The following RAPGEF2 variants were observed in gnomAD, a reference collection of about 807,000 sequenced individuals.
RAPGEF2 encodes Rap guanine nucleotide exchange factor 2, also known as PDZ domain containing guanine nucleotide exchange factor (GEF) 1.
A neutral mutation model predicts 186.7 loss-of-function variants in RAPGEF2; 54 were observed. That is an observed-to-expected ratio of 0.29 (90% CI 0.23 to 0.36). The LOEUF is 0.36. RAPGEF2 is among the 10% of genes least tolerant of loss of function. RAPGEF2 has a pLI of 1.00. For synonymous variants in RAPGEF2, 712 were observed against 705.9 expected (o/e 1.01, Z -0.14); for missense variants, 1,532 against 2,045.0 (o/e 0.75, Z 4.84).
chr4:159,134,028 G>A (rs1741422930), intron 1 of RAPGEF2, among the ~76,000 whole-genome samples: 1 of 152,156 alleles, frequency 6.6e-6, no homozygotes, highest in Admixed American at 6.5e-5. Context: ...AATTCTGTGA[G>A]TTTTAATTTG....
At chr4:159,121,782 G>C in intron 1 of RAPGEF2, among the ~76,000 whole-genome samples, 1 of 151,674 alleles carries the variant, frequency 6.6e-6, no homozygotes, top group East Asian at 1.9e-4. Flanking sequence ...TGTAATCGCA[G>C]CACTTTGGGA....
Position 159,353,927 on chromosome 4 carries a change from A to G in RAPGEF2, c.4532A>G (p.Lys1511Arg), listed in dbSNP as rs1290277306. ...GGCACAATAAAGCGGAGGGGTGGAAAGGATGTTTCCATTGAAGCCGAAAGC... is the reference window on the plus strand; with the variant it reads ...GGCACAATAAAGCGGAGGGGTGGAAGGGATGTTTCCATTGAAGCCGAAAGC... ...DTGTIKRRGG[K>R]DVSIEAESSS... Residue 1511 changes from lysine to arginine, a missense_variant, in exon 28 of 30, where the codon AAG (lysine) becomes AGG (arginine). Physicochemically the swap from Lys to Arg is conservative, Grantham distance 26 (BLOSUM62 2). Transcript: ENST00000691494. The surrounding 1 kb of genome is among the most constrained non-coding windows in gnomAD (Gnocchi z 4.3). The G allele has an allele frequency of 6.2e-6, 10 of 1,614,062 alleles. No homozygotes were observed. Among genetic ancestry groups the G allele is most frequent in the African/African-American group, 1.3e-5 (1 of 74,942 alleles).
intron 25 of RAPGEF2, among the ~76,000 whole-genome samples, chr4:159,347,882 G>A (rs750004869): frequency 9.9e-5 from 15 of 151,832 alleles, no homozygotes; most frequent in South Asian, 6.2e-4. Context: ...TTTTTTCTAC[G>A]TATATGTGAA....
intron 7 of RAPGEF2, among the ~76,000 whole-genome samples, chr4:159,293,950 C>G (rs775577605): frequency 5.3e-5 from 8 of 152,114 alleles, no homozygotes; most frequent in Non-Finnish European, 7.4e-5. Flanking sequence ...TGTTCATACT[C>G]CAGTGGTTTG....
rs771844280 is a variant in RAPGEF2 at position 159,314,780 on chromosome 4, C to T, written c.853+12C>T. 1.9e-6 allele frequency: 3 copies of T among 1,568,796 alleles called. No homozygotes were observed. Among genetic ancestry groups the T allele is most frequent in the African/African-American group, 1.4e-5 (1 of 72,144 alleles). ...AGATGATGACATTGGTAAGCTTGAA[C>T]AGGAAAATGAATCTACGAGCAATTA... is the stretch of plus-strand genomic sequence containing the variant. On this transcript the variant is annotated intron_variant, in intron 9 of 29. Coordinates refer to ENST00000691494, the MANE Select transcript of RAPGEF2 (RefSeq NM_001394067.2).
intron 4 of RAPGEF2, among the ~76,000 whole-genome samples, chr4:159,235,809 A>T (rs1387832139): frequency 6.6e-6 from 1 of 152,202 alleles, no homozygotes; most frequent in Non-Finnish European, 1.5e-5. Flanking sequence ...AGAATCAGAG[A>T]GCAGAAGCAA....
chr4:159,207,117 T>C (rs1458228824), intron 3 of RAPGEF2, among the ~76,000 whole-genome samples: 2 of 152,230 alleles, frequency 1.3e-5, no homozygotes, highest in African/African-American at 2.4e-5. Flanking sequence ...AAAGCAAATA[T>C]AACTCTTGCA....
At chr4:159,255,684 GT>G (rs1756075294) in intron 7 of RAPGEF2, among the ~76,000 whole-genome samples, 1 of 151,990 alleles carries the variant, frequency 6.6e-6, no homozygotes, top group Non-Finnish European at 1.5e-5. Flanking sequence ...TTCTTGCATT[GT>G]TTTTGGGTAG....
chr4:159,111,059 C>A (rs1304975515), intron 1 of RAPGEF2, among the ~76,000 whole-genome samples: 1 of 150,678 alleles, frequency 6.6e-6, no homozygotes, highest in East Asian at 1.9e-4. Flanking sequence ...TGCAAAATCG[C>A]CACTACCTAC....
intron 9 of RAPGEF2, among the ~76,000 whole-genome samples, chr4:159,320,333 C>G (rs775236664): frequency 1.3e-4 from 20 of 152,156 alleles, no homozygotes; most frequent in African/African-American, 4.3e-4. Context: ...TTCAGAATTG[C>G]TTTACTGCTT....
At chr4:159,271,603 C>A (rs1313428510) in intron 7 of RAPGEF2, among the ~76,000 whole-genome samples, 1 of 152,016 alleles carries the variant, frequency 6.6e-6, no homozygotes, top group Non-Finnish European at 1.5e-5. Context: ...TCATTGGTAC[C>A]CCAGTTTGTC....
chr4:159,278,945 CAGTACACTTG>C (rs1262872761), intron 7 of RAPGEF2, among the ~76,000 whole-genome samples: 3 of 152,290 alleles, frequency 2.0e-5, no homozygotes, highest in African/African-American at 4.8e-5. Context: ...GAGGCAGAGA[CAGTACACTTG>C]AGTACACTTG....
intron 1 of RAPGEF2, among the ~76,000 whole-genome samples, chr4:159,135,590 A>G (rs553076872): frequency 6.6e-6 from 1 of 152,078 alleles, no homozygotes; most frequent in Non-Finnish European, 1.5e-5. Flanking sequence ...TTTTGTCCCC[A>G]TTTTAATTTC....
intron 1 of RAPGEF2, among the ~76,000 whole-genome samples, chr4:159,115,860 G>A (rs1738991944): frequency 6.6e-6 from 1 of 152,106 alleles, no homozygotes; most frequent in Non-Finnish European, 1.5e-5. Context: ...TTAATAAATG[G>A]TGCTGGGAAA....
In RAPGEF2 at chr4:159,219,927, A is replaced by T. The variant is rs574902431; in HGVS notation, c.281+9344A>T. ...ATTGCTTCTTATATGCTTGCTTAGAATGTGGTGCTGAACTAAAAGAGAGAT... is the reference window on the plus strand; with the variant it reads ...ATTGCTTCTTATATGCTTGCTTAGATTGTGGTGCTGAACTAAAAGAGAGAT... On this transcript the variant is annotated intron_variant, in intron 4 of 29. Coordinates refer to ENST00000691494, the MANE Select transcript of RAPGEF2 (RefSeq NM_001394067.2). Among the ~76,000 whole-genome samples the T allele has an allele frequency of 5.4e-4, 82 of 152,298 alleles. 1 individual carries two copies. Among genetic ancestry groups the T allele is most frequent in the African/African-American group, 1.9e-3 (80 of 41,560 alleles).
chr4:159,259,116 T>A lies in RAPGEF2; in HGVS notation c.543+15325T>A, dbSNP rs114757728. ...AGAGGTTAAGTAACATGTTCAATAT[T>A]CATGGTCACTCAGGTAGTAAATGTT... On this transcript the variant is annotated intron_variant, in intron 7 of 29. Transcript: ENST00000691494. Among the ~76,000 whole-genome samples, 499 of 152,334 alleles carry A rather than the reference T, an allele frequency of 3.3e-3. 1 individual carries two copies. The highest frequency in any genetic ancestry group is 0.011 in the African/African-American group (474 of 41,572).
chr4:159,191,894 A>G (rs960181968), intron 2 of RAPGEF2, among the ~76,000 whole-genome samples: 2 of 152,196 alleles, frequency 1.3e-5, no homozygotes, highest in African/African-American at 4.8e-5. Context: ...GTTATGTTAC[A>G]TATTAGAGGA....
intron 7 of RAPGEF2, among the ~76,000 whole-genome samples, chr4:159,303,499 T>C (rs1762924684): frequency 6.6e-6 from 1 of 152,134 alleles, no homozygotes; most frequent in South Asian, 2.1e-4. Context: ...AAATATAATG[T>C]CTTTTTTTAT....
At chr4:159,338,284 A>G (rs375477420) in intron 17 of RAPGEF2, 27 bp from the exon 18 acceptor site, 3 of 1,588,494 alleles carry the variant, frequency 1.9e-6, no homozygotes, top group Non-Finnish European at 2.6e-6. Context: ...ACTTGTTGAT[A>G]ATTTTCTAAT....
Sources: allele counts gnomAD v4.1 joint callset (sites outside exome capture counted in the v4.1 genomes callset), GRCh38; gene constraint gnomAD v4.1.1; non-coding constraint Gnocchi (gnomAD v3.1); transcripts MANE v1.5; gene names NCBI Gene and HGNC (gene_info 2026-07-23, HGNC 2026-07-21).